CAMTA1: variants seen among roughly 807,000 people sequenced by gnomAD.
CAMTA1 encodes the protein calmodulin-binding transcription activator 1.
In CAMTA1, 27 loss-of-function variants were observed where a neutral mutation model predicts 170.9. The ratio of observed to expected loss-of-function variants is 0.16; its 90% CI spans 0.12 to 0.22. The LOEUF is 0.22. Ranked by LOEUF, CAMTA1 falls within the 10% of genes least tolerant of loss-of-function variation. The probability of loss-of-function intolerance (pLI) is 1.00; values close to 1 mark genes in which losing one functional copy is unlikely to be tolerated. For synonymous variants in CAMTA1, 833 were observed against 891.5 expected (o/e 0.93, Z 1.17); for missense variants, 1,619 against 2,217.2 (o/e 0.73, Z 5.42).
chr1:6,998,793 A>C (rs1697730613), intron 3 of CAMTA1, among the ~76,000 whole-genome samples: 1 of 152,196 alleles, frequency 6.6e-6, no homozygotes, highest in South Asian at 2.1e-4. Flanking sequence ...TTTACCTATC[A>C]TGTTTCTTTT....
chr1:7,413,465 C>T (rs2090943134), intron 5 of CAMTA1, among the ~76,000 whole-genome samples: 1 of 152,112 alleles, frequency 6.6e-6, no homozygotes, highest in South Asian at 2.1e-4. Flanking sequence ...TTGAAGAGGT[C>T]CTTCATGTCC....
intron 5 of CAMTA1, among the ~76,000 whole-genome samples, chr1:7,336,759 C>A (rs1372061611): frequency 1.3e-5 from 2 of 152,158 alleles, no homozygotes; most frequent in Non-Finnish European, 2.9e-5. Context: ...CCGAGGTGGG[C>A]AGGGGGCTGG....
chr1:7,616,534 T>C (rs1186972887), intron 6 of CAMTA1, among the ~76,000 whole-genome samples: 1 of 152,234 alleles, frequency 6.6e-6, no homozygotes, highest in African/African-American at 2.4e-5. Context: ...CCAGGAGCGC[T>C]GTCCAGAGTG....
At chr1:7,412,719 G>C (rs2090877751) in intron 5 of CAMTA1, among the ~76,000 whole-genome samples, 4 of 152,044 alleles carry the variant, frequency 2.6e-5, no homozygotes, top group Admixed American at 2.6e-4. Context: ...TGTTCACTCT[G>C]ATGGTAGTTT....
intron 6 of CAMTA1, among the ~76,000 whole-genome samples, chr1:7,473,979 T>G (rs72642868): frequency 0.14 from 21,245 of 152,304 alleles, 1,599 homozygotes; most frequent in South Asian, 0.19. Flanking sequence ...GCAGGGTCCC[T>G]GAACCCCAGC....
At chr1:7,386,765 T>C (rs2088044750) in intron 5 of CAMTA1, among the ~76,000 whole-genome samples, 3 of 152,120 alleles carry the variant, frequency 2.0e-5, no homozygotes, top group Admixed American at 2.0e-4. Flanking sequence ...AAGAAGTCAG[T>C]AGGAAAATGC....
At chr1:7,107,620 G>A (rs1643739046) in intron 4 of CAMTA1, among the ~76,000 whole-genome samples, 1 of 152,134 alleles carries the variant, frequency 6.6e-6, no homozygotes, top group Non-Finnish European at 1.5e-5. Context: ...CCTCCCGGAG[G>A]GGCGGGTGCT....
At chr1:7,468,322 A>C (rs1410559034) in intron 6 of CAMTA1, among the ~76,000 whole-genome samples, 1 of 152,234 alleles carries the variant, frequency 6.6e-6, no homozygotes, top group Non-Finnish European at 1.5e-5. Flanking sequence ...TGCCAGGCAC[A>C]GCTGGATTGA....
At chr1:6,999,662 G>T (rs1697905352) in intron 3 of CAMTA1, among the ~76,000 whole-genome samples, 1 of 152,062 alleles carries the variant, frequency 6.6e-6, no homozygotes, top group Admixed American at 6.5e-5. Context: ...GGATTATACC[G>T]TACCCGGCCG....
intron 3 of CAMTA1, among the ~76,000 whole-genome samples, chr1:6,847,013 T>G (rs1272179873): frequency 6.6e-6 from 1 of 152,090 alleles, no homozygotes; most frequent in Non-Finnish European, 1.5e-5. Context: ...GGATTTTTTT[T>G]TTTTTTTGGA....
chr1:7,049,619 G>A (rs1446347884), intron 3 of CAMTA1, among the ~76,000 whole-genome samples: 2 of 152,088 alleles, frequency 1.3e-5, no homozygotes, highest in Non-Finnish European at 2.9e-5. Flanking sequence ...ACCACACCCA[G>A]CTAATTTTTG....
chr1:7,701,952 G>A (rs1288993582), intron 11 of CAMTA1, among the ~76,000 whole-genome samples: 1 of 152,050 alleles, frequency 6.6e-6, no homozygotes, highest in Non-Finnish European at 1.5e-5. Flanking sequence ...TCAGTTTTAG[G>A]GCGCTGGCAG....
At chr1:7,678,643 G>T (rs6692604) in intron 11 of CAMTA1, among the ~76,000 whole-genome samples, 1 of 152,210 alleles carries the variant, frequency 6.6e-6, no homozygotes, top group African/African-American at 2.4e-5. Flanking sequence ...CAGTACACTG[G>T]GGATGCGGTA....
intron 5 of CAMTA1, among the ~76,000 whole-genome samples, chr1:7,332,958 A>G (rs1261830070): frequency 6.6e-6 from 1 of 152,058 alleles, no homozygotes; most frequent in African/African-American, 2.4e-5. Flanking sequence ...ACTCATGGCC[A>G]CTCTGTTGTG....
chr1:7,686,514 G>C (rs1482713045), intron 11 of CAMTA1, among the ~76,000 whole-genome samples: 2 of 151,920 alleles, frequency 1.3e-5, no homozygotes, highest in African/African-American at 2.4e-5. Context: ...AGGTGGAGGG[G>C]GTTGCGGGGA....
chr1:7,640,261 C>G, intron 6 of CAMTA1, 139 bp from the exon 7 acceptor site: 1 of 876,740 alleles, frequency 1.1e-6, no homozygotes, highest in Non-Finnish European at 1.7e-6. Flanking sequence ...CATCTGGCTG[C>G]AACCGTCAGC....
intron 3 of CAMTA1, among the ~76,000 whole-genome samples, chr1:6,836,637 C>T (rs1653275339): frequency 1.3e-5 from 2 of 152,054 alleles, no homozygotes; most frequent in South Asian, 2.1e-4. Flanking sequence ...GTGCACTCAT[C>T]CAGGTGGGGC....
At chr1:7,274,375 T>C (rs896724317) in intron 5 of CAMTA1, among the ~76,000 whole-genome samples, 2 of 152,188 alleles carry the variant, frequency 1.3e-5, no homozygotes, top group Non-Finnish European at 2.9e-5. Context: ...AGATATTTTA[T>C]AATGATAAGA....
chr1:7,376,335 C>G (rs2086840889), intron 5 of CAMTA1, among the ~76,000 whole-genome samples: 1 of 152,238 alleles, frequency 6.6e-6, no homozygotes, highest in South Asian at 2.1e-4. Flanking sequence ...CTAAGTGGAA[C>G]TCTGCATTGC....
Sources: gnomAD v4.1 joint callset for allele counts (sites outside exome capture counted in the v4.1 genomes callset) on GRCh38, gnomAD v4.1.1 for gene constraint, MANE v1.5 for transcripts, NCBI Gene and HGNC (gene_info 2026-07-23, HGNC 2026-07-21) for gene names.